CDC27: variants seen among roughly 807,000 people sequenced by gnomAD.
CDC27 encodes cell division cycle 27, also known as cell division cycle protein 27 homolog.
A neutral mutation model predicts 109.7 loss-of-function variants in CDC27; 27 were observed. The ratio of observed to expected loss-of-function variants is 0.25; its 90% CI spans 0.18 to 0.34. The LOEUF (loss-of-function observed/expected upper bound fraction) is 0.34, where lower values mean the gene tolerates loss of function less well. Ranked by LOEUF, CDC27 falls within the 10% of genes least tolerant of loss-of-function variation. The probability of loss-of-function intolerance (pLI) is 1.00; values close to 1 mark genes in which losing one functional copy is unlikely to be tolerated. For synonymous variants in CDC27, 266 were observed against 333.9 expected (o/e 0.80, Z 2.22); for missense variants, 579 against 960.2 (o/e 0.60, Z 5.25).
At chr17:47,187,727 T>C (rs1299464675) in intron 1 of CDC27, among the ~76,000 whole-genome samples, 1 of 151,818 alleles carries the variant, frequency 6.6e-6, no homozygotes, top group Non-Finnish European at 1.5e-5. Context: ...TCATTAACTA[T>C]TAAAACAAAA....
intron 7 of CDC27, among the ~76,000 whole-genome samples, chr17:47,155,768 C>A (rs2063285638): frequency 6.6e-6 from 1 of 152,080 alleles, no homozygotes; most frequent in African/African-American, 2.4e-5. Flanking sequence ...TTGGGCAACA[C>A]AGCAAGACCC....
chr17:47,184,305 T>C (rs947537416), intron 1 of CDC27, among the ~76,000 whole-genome samples: 4 of 152,224 alleles, frequency 2.6e-5, no homozygotes, highest in Non-Finnish European at 4.4e-5. Context: ...ACCTTTTCCT[T>C]GCCAATCTCT....
At chr17:47,170,288 C>A (rs1283685934) in intron 3 of CDC27, 1 of 238,808 alleles carries the variant, frequency 4.2e-6, no homozygotes, top group Non-Finnish European at 8.0e-6. Flanking sequence ...GCCTCAAATT[C>A]CTGGACTCAG....
chr17:47,182,341 A>T (rs944979927), intron 1 of CDC27, among the ~76,000 whole-genome samples: 13 of 152,234 alleles, frequency 8.5e-5, no homozygotes, highest in African/African-American at 3.1e-4. Context: ...ATAGAAGGAC[A>T]TTTTAAGTAA....
rs541610426 is a variant in CDC27 at position 47,169,134 on chromosome 17, G to GT, written c.377+782dup. ...GTCTCCTGAGTAGCTGGAACTACAG[G>GT]TATGTGCCACCACACCCAGCTAATT... On this transcript the variant is annotated intron_variant, in intron 4 of 18. Coordinates refer to ENST00000066544, the MANE Select transcript of CDC27 (RefSeq NM_001256.6). Among the ~76,000 whole-genome samples the GT allele has an allele frequency of 1.4e-3, 207 of 151,886 alleles. 1 individual carries two copies. Among genetic ancestry groups the GT allele is most frequent in the African/African-American group, 4.9e-3 (202 of 41,428 alleles).
intron 7 of CDC27, 44 bp downstream of exon 7, chr17:47,156,869 C>A: frequency 1.6e-6 from 1 of 634,214 alleles, no homozygotes; most frequent in South Asian, 2.6e-5. Flanking sequence ...ATCATAAGAT[C>A]ATTTGGTATT....
Position 47,157,142 on chromosome 17 carries a change from T to C in CDC27, c.631-18A>G. The C allele has an allele frequency of 6.5e-7, 1 of 1,546,022 alleles. No homozygotes were observed. The highest frequency in any genetic ancestry group is 8.8e-7 in the Non-Finnish European group (1 of 1,136,488). ...TTTAATTCCTGAAACAGAAAATTTC[T>C]ACCAAGTCATTCACAATATATTATT... is the stretch of plus-strand genomic sequence containing the variant. On this transcript the variant is annotated intron_variant, in intron 6 of 18. Transcript: ENST00000066544.
At position 47,135,862 on chromosome 17, in the gene CDC27, G is replaced by A. The variant is rs73310808; in HGVS notation, c.1913+1290C>T. On this transcript the variant is annotated intron_variant, in intron 14 of 18. Transcript: ENST00000066544. ...AGTCTTATTAAGAACTGAGTTCCTGGCCGGGTATGGTGGCTCATGCCTGTA... is the reference window on the plus strand; with the variant it reads ...AGTCTTATTAAGAACTGAGTTCCTGACCGGGTATGGTGGCTCATGCCTGTA... Among the ~76,000 whole-genome samples the A allele has an allele frequency of 4.8e-3, 728 of 152,256 alleles. 1 individual carries two copies. The highest frequency in any genetic ancestry group is 0.017 in the African/African-American group (690 of 41,544).
intron 9 of CDC27, among the ~76,000 whole-genome samples, chr17:47,144,612 T>G (rs1176905869): frequency 6.6e-6 from 1 of 152,182 alleles, no homozygotes; most frequent in African/African-American, 2.4e-5. Context: ...CTCTGTACAT[T>G]TTTACTTTAA....
chr17:47,126,058 T>C (rs2148801479), intron 16 of CDC27, among the ~76,000 whole-genome samples: 1 of 152,308 alleles, frequency 6.6e-6, no homozygotes, highest in South Asian at 2.1e-4. Context: ...GCTCTTACTT[T>C]TACCTTAAAG....
At chr17:47,137,758 T>C (rs1225920008) in intron 13 of CDC27, among the ~76,000 whole-genome samples, 1 of 151,810 alleles carries the variant, frequency 6.6e-6, no homozygotes, top group Non-Finnish European at 1.5e-5. Flanking sequence ...CTGGCACTTT[T>C]AAGTAGGATG....
chr17:47,136,927 T>C (rs2062620610), intron 14 of CDC27, among the ~76,000 whole-genome samples: 1 of 152,208 alleles, frequency 6.6e-6, no homozygotes, highest in East Asian at 1.9e-4. Flanking sequence ...GCTGAAACTG[T>C]TGAGTATAAG....
chr17:47,146,613 G>A (rs903182321), intron 9 of CDC27, among the ~76,000 whole-genome samples: 5 of 152,286 alleles, frequency 3.3e-5, no homozygotes, highest in Non-Finnish European at 5.9e-5. Context: ...TTCCTCAATG[G>A]TGGGACAAGA....
At chr17:47,150,578 A>G (rs1445867030) in intron 9 of CDC27, among the ~76,000 whole-genome samples, 1 of 152,192 alleles carries the variant, frequency 6.6e-6, no homozygotes, top group Non-Finnish European at 1.5e-5. Flanking sequence ...CCCTGCCAAC[A>G]CCTTGATTTT....
chr17:47,127,885 T>G (rs2062196036), intron 16 of CDC27, among the ~76,000 whole-genome samples: 1 of 151,984 alleles, frequency 6.6e-6, no homozygotes, highest in Admixed American at 6.6e-5. Flanking sequence ...GTATTTTTTT[T>G]GGTAGAGATG....
intron 2 of CDC27, among the ~76,000 whole-genome samples, chr17:47,175,806 A>G (rs1225768991): frequency 6.6e-5 from 10 of 152,182 alleles, no homozygotes. Context: ...ACAGAGCGAG[A>G]CTCTGTCTCA....
chr17:47,143,272 G>T (rs984484485), intron 10 of CDC27, among the ~76,000 whole-genome samples: 1 of 151,944 alleles, frequency 6.6e-6, no homozygotes, highest in African/African-American at 2.4e-5. Flanking sequence ...CGGGTCTCCA[G>T]TTTTTTTTAA....
chr17:47,132,239 G>A lies in CDC27; in HGVS notation c.2031+18C>T. 1 of 1,120,260 alleles carries A rather than the reference G, an allele frequency of 8.9e-7. No homozygotes were observed. Among genetic ancestry groups the A allele is most frequent in the Non-Finnish European group, 1.3e-6 (1 of 750,556 alleles). 69.4% of individuals were successfully genotyped at this position (1,120,260 alleles called of 1,614,324 possible). A position where few individuals can be genotyped will look rare whatever the true frequency, so the allele number is the denominator to read the frequency against. On this transcript the variant is annotated intron_variant, in intron 15 of 18. Transcript: ENST00000066544. ...AAAGGGAGATTAATAGAGTATTAAT[G>A]TTTAGAAAGCTACTTACTACTCCAA... is the stretch of plus-strand genomic sequence containing the variant.
intron 2 of CDC27, among the ~76,000 whole-genome samples, chr17:47,175,039 G>GAGGAAGGAAGGAAGGA (rs71138592): frequency 1.7e-3 from 223 of 129,968 alleles, no homozygotes; most frequent in Middle Eastern, 3.7e-3. Flanking sequence ...AAGAGAGAGA[G>GAGGAAGGAAGGAAGGA]AGGAAGGAAG....
Sources: allele counts gnomAD v4.1 joint callset (sites outside exome capture counted in the v4.1 genomes callset), GRCh38; gene constraint gnomAD v4.1.1; transcripts MANE v1.5; gene names NCBI Gene and HGNC (gene_info 2026-07-23, HGNC 2026-07-21).